The following PRKG2 variants were observed in gnomAD, a reference collection of about 807,000 sequenced individuals.
PRKG2 encodes the protein cGMP-dependent protein kinase 2.
PRKG2 carries 33 observed loss-of-function variants against 97.2 expected under a neutral mutation model. The observed-to-expected ratio is 0.34, with a 90% CI of 0.26 to 0.45. The LOEUF is 0.45. PRKG2 is among the 20% of genes least tolerant of loss of function. The pLI is 1.00. For missense variants in PRKG2, 638 were observed against 900.0 expected, an observed-to-expected ratio of 0.71 and a Z score of 3.73; for synonymous variants, 330 against 321.8, an observed-to-expected ratio of 1.03 and a Z score of -0.27.
chr4:81,093,405 A>ACACACAC (rs1560528514), intron 17 of PRKG2, among the ~76,000 whole-genome samples: 5 of 135,864 alleles, frequency 3.7e-5, no homozygotes, highest in African/African-American at 1.6e-4. Context: ...ACACACACAC[A>ACACACAC]AGCTTCTTAT....
intron 10 of PRKG2, 107 bp from the exon 11 acceptor site, chr4:81,143,054 G>A: frequency 4.5e-6 from 6 of 1,333,630 alleles, no homozygotes; most frequent in Non-Finnish European, 6.0e-6. Context: ...CTGTAACTAT[G>A]ATTTATAGTT....
At chr4:81,106,090 A>C (rs1345386546) in intron 15 of PRKG2, among the ~76,000 whole-genome samples, 155 bp from the exon 16 acceptor site, 1 of 152,158 alleles carries the variant, frequency 6.6e-6, no homozygotes, top group East Asian at 1.9e-4. Flanking sequence ...GATATATCCT[A>C]GAATATCATC....
chr4:81,141,219 C>T lies in PRKG2; in HGVS notation c.1408-550G>A, dbSNP rs1010038421. ...AAAGGTGGGGCCTCACTATGTTGCT[C>T]AGGCTAATTTCAAACTCCTGAGCCC... On this transcript the variant is annotated intron_variant, in intron 11 of 18. Coordinates refer to ENST00000264399, the MANE Select transcript of PRKG2 (RefSeq NM_006259.3). 2.0e-5 allele frequency among the ~76,000 whole-genome samples: 3 copies of T among 152,056 alleles called. 1 individual carries two copies. The highest frequency in any genetic ancestry group is 1.3e-4 in the Admixed American group (2 of 15,272).
chr4:81,098,539 T>C (rs1378446673), intron 17 of PRKG2, among the ~76,000 whole-genome samples: 2 of 152,204 alleles, frequency 1.3e-5, no homozygotes, highest in Admixed American at 6.6e-5. Context: ...TTCTAGCTTT[T>C]TATTTAAAGT....
intron 15 of PRKG2, among the ~76,000 whole-genome samples, chr4:81,108,038 C>A (rs930995950): frequency 6.6e-6 from 1 of 152,058 alleles, no homozygotes; most frequent in Non-Finnish European, 1.5e-5. Flanking sequence ...AACCCTGTCT[C>A]TACTAAAAAT....
intron 2 of PRKG2, among the ~76,000 whole-genome samples, chr4:81,200,820 A>G (rs192076164): frequency 1.3e-5 from 2 of 152,324 alleles, no homozygotes; most frequent in East Asian, 3.9e-4. Flanking sequence ...ACCCTGATTC[A>G]TCATGAAATT....
Position 81,140,513 on chromosome 4 carries a change from G to A in PRKG2, c.1544+20C>T. On this transcript the variant is annotated intron_variant, in intron 12 of 18. Coordinates refer to ENST00000264399, the MANE Select transcript of PRKG2 (RefSeq NM_006259.3). ...AGAGCCTGAAAATCCTAACTCCTTGGAAGCCAAGTGGTCACTTACTTCACA... is the reference window on the plus strand; with the variant it reads ...AGAGCCTGAAAATCCTAACTCCTTGAAAGCCAAGTGGTCACTTACTTCACA... 6.4e-7 allele frequency: 1 copy of A among 1,550,640 alleles called. No homozygotes were observed. Among genetic ancestry groups the A allele is most frequent in the Non-Finnish European group, 8.7e-7 (1 of 1,145,020 alleles).
At chr4:81,178,886 G>C (rs957460945) in intron 2 of PRKG2, among the ~76,000 whole-genome samples, 1 of 151,982 alleles carries the variant, frequency 6.6e-6, no homozygotes, top group Non-Finnish European at 1.5e-5. Context: ...CAGTACTCTG[G>C]GAGGCTGAGG....
At chr4:81,131,987 T>C (rs1229862242) in intron 14 of PRKG2, among the ~76,000 whole-genome samples, 1 of 152,152 alleles carries the variant, frequency 6.6e-6, no homozygotes, top group African/African-American at 2.4e-5. Context: ...GCTGCTCAAA[T>C]TTTTAATGCA....
At chr4:81,125,274 C>T (rs1211543427) in intron 14 of PRKG2, among the ~76,000 whole-genome samples, 2 of 152,110 alleles carry the variant, frequency 1.3e-5, no homozygotes, top group Non-Finnish European at 2.9e-5. Flanking sequence ...TAGAGGCATT[C>T]CCGTTATTTC....
At chr4:81,100,974 A>G (rs1474248793) in intron 17 of PRKG2, among the ~76,000 whole-genome samples, 2 of 152,172 alleles carry the variant, frequency 1.3e-5, no homozygotes, top group African/African-American at 2.4e-5. Context: ...AATGCTCATC[A>G]TCACTGGCCA....
chr4:81,169,794 A>G, intron 4 of PRKG2, 26 bp from the exon 5 acceptor site: 2 of 1,435,058 alleles, frequency 1.4e-6, no homozygotes, highest in Non-Finnish European at 1.9e-6. Flanking sequence ...GAAAACAATA[A>G]AACACTTAGT....
intron 18 of PRKG2, 74 bp from the exon 19 acceptor site, chr4:81,089,877 T>C (rs1265640294): frequency 4.1e-6 from 5 of 1,225,116 alleles, no homozygotes; most frequent in African/African-American, 3.0e-5. Flanking sequence ...GGTAATGTTT[T>C]TTATTTCAGA....
chr4:81,111,429 A>AT (rs1426357298), intron 14 of PRKG2, among the ~76,000 whole-genome samples: 2 of 145,886 alleles, frequency 1.4e-5, no homozygotes, highest in African/African-American at 5.4e-5. Context: ...CATGATTAAT[A>AT]TTATATCATG....
At chr4:81,136,471 C>T (rs1288959895) in intron 13 of PRKG2, among the ~76,000 whole-genome samples, 1 of 152,174 alleles carries the variant, frequency 6.6e-6, no homozygotes, top group African/African-American at 2.4e-5. Flanking sequence ...CTTGCATCAA[C>T]TCCCACAATC....
At chr4:81,140,439 CA>C in intron 12 of PRKG2, 93 bp downstream of exon 12, 1 of 1,173,914 alleles carries the variant, frequency 8.5e-7, no homozygotes, top group Non-Finnish European at 1.1e-6. Context: ...TATGTACCCA[CA>C]AAAATTAAAA....
At chr4:81,179,599 G>A (rs1254393999) in intron 2 of PRKG2, among the ~76,000 whole-genome samples, 1 of 152,142 alleles carries the variant, frequency 6.6e-6, no homozygotes, top group Admixed American at 6.5e-5. Context: ...AAATCTATGG[G>A]TGATTAAAGA....
rs560629760 is a variant in PRKG2 at position 81,209,087 on chromosome 4, G to A, written c.-13-4027C>T. ...TCGAATGAGTAGTGGCATTTCGCTA[G>A]AAGAGAGGAAACTACATAAGACTAC... On this transcript the variant is annotated intron_variant, in intron 1 of 18. Coordinates refer to ENST00000264399, the MANE Select transcript of PRKG2 (RefSeq NM_006259.3). Among the ~76,000 whole-genome samples, 8 of 152,298 alleles carry A rather than the reference G, an allele frequency of 5.3e-5. No homozygotes were observed. The East Asian group carries it at 1.5e-3, about 29-fold the overall frequency.
intron 6 of PRKG2, among the ~76,000 whole-genome samples, chr4:81,156,181 A>T (rs1229952834): frequency 2.0e-5 from 3 of 152,180 alleles, no homozygotes; most frequent in African/African-American, 7.2e-5. Context: ...TATTCAGGAA[A>T]CCCATCTCAC....
Sources: gnomAD v4.1 joint callset for allele counts (sites outside exome capture counted in the v4.1 genomes callset) on GRCh38, gnomAD v4.1.1 for gene constraint, MANE v1.5 for transcripts, NCBI Gene and HGNC (gene_info 2026-07-23, HGNC 2026-07-21) for gene names.